GSAP: variants seen among roughly 807,000 people sequenced by gnomAD.
GSAP encodes the protein gamma-secretase-activating protein.
In GSAP, 118 loss-of-function variants were observed where a neutral mutation model predicts 131.7. That is an observed-to-expected ratio of 0.90 (90% CI 0.77 to 1.04). The LOEUF is 1.04. GSAP is among the 50% of genes least tolerant of loss of function. GSAP has a pLI of 0.00. For synonymous variants in GSAP, 381 were observed against 363.4 expected (o/e 1.05, Z -0.55); for missense variants, 1,019 against 1,013.2 (o/e 1.01, Z -0.08).
At chr7:77,326,368 C>G in intron 22 of GSAP, 95 bp from the exon 23 acceptor site, 2 of 808,758 alleles carry the variant, frequency 2.5e-6, no homozygotes, top group Non-Finnish European at 4.0e-6. Flanking sequence ...TTCTCTGAGT[C>G]ATTGAGAAAA....
In GSAP at chr7:77,360,908, A is replaced by G. The variant is rs964943583; in HGVS notation, c.950-7T>C. ...GTGAAGGTCTTGCTGTGTCCTGCAA[A>G]GAGAGAATATGAAGCCAGAGAATGT... is the stretch of plus-strand genomic sequence containing the variant. On this transcript the variant is annotated splice_region_variant and splice_polypyrimidine_tract_variant and intron_variant, in intron 13 of 30. Coordinates refer to ENST00000257626, the MANE Select transcript of GSAP (RefSeq NM_017439.4). 3 of 1,548,830 alleles carry G rather than the reference A, an allele frequency of 1.9e-6. No individual in the cohort carries two copies. The highest frequency in any genetic ancestry group is 2.7e-6 in the Non-Finnish European group (3 of 1,121,332).
intron 12 of GSAP, among the ~76,000 whole-genome samples, chr7:77,365,760 T>G (rs1025690081): frequency 2.6e-5 from 4 of 152,146 alleles, no homozygotes; most frequent in Admixed American, 1.3e-4. Flanking sequence ...GTAATCAGAT[T>G]GCTGGGTCCA....
upstream of GSAP, chr7:77,416,392 T>G: frequency 1.3e-6 from 1 of 757,776 alleles, no homozygotes; most frequent in Non-Finnish European, 2.0e-6. Context: ...CGTGGCCGCC[T>G]CGCCCTCGCG....
intron 19 of GSAP, among the ~76,000 whole-genome samples, chr7:77,343,019 TCTCCCTAACTTATCA>T (rs1156477598): frequency 6.6e-6 from 1 of 152,096 alleles, no homozygotes; most frequent in Non-Finnish European, 1.5e-5. Context: ...CCACACTAGC[TCTCCCTAACTTATCA>T]CTCCCTTTTC....
intron 1 of GSAP, among the ~76,000 whole-genome samples, chr7:77,408,897 G>T (rs140544734): frequency 6.6e-6 from 1 of 152,058 alleles, no homozygotes; most frequent in East Asian, 1.9e-4. Context: ...AGGATAATTG[G>T]TGAGCTGGAC....
chr7:77,361,703 T>C (rs1794542691), intron 13 of GSAP, among the ~76,000 whole-genome samples: 1 of 152,186 alleles, frequency 6.6e-6, no homozygotes, highest in South Asian at 2.1e-4. Flanking sequence ...CAAATACTCA[T>C]TTTAAGGAAT....
intron 19 of GSAP, among the ~76,000 whole-genome samples, chr7:77,343,874 C>G (rs1255694248): frequency 6.6e-6 from 1 of 152,170 alleles, no homozygotes; most frequent in Non-Finnish European, 1.5e-5. Context: ...TTCCTTTCCA[C>G]CGTGGAAATC....
intron 23 of GSAP, among the ~76,000 whole-genome samples, chr7:77,325,465 A>C (rs1319344519): frequency 1.3e-5 from 2 of 152,222 alleles, no homozygotes; most frequent in South Asian, 2.1e-4. Context: ...TTTATTTACA[A>C]ATTCTGCTTT....
intron 1 of GSAP, among the ~76,000 whole-genome samples, chr7:77,414,983 G>T (rs576947910): frequency 6.7e-6 from 1 of 149,644 alleles, no homozygotes; most frequent in East Asian, 2.0e-4. Context: ...TCAGCCTCCC[G>T]AGTAGCTGGG....
In GSAP at chr7:77,414,441, G is replaced by C. The variant is rs541364937; in HGVS notation, c.109+1772C>G. 2.0e-5 allele frequency among the ~76,000 whole-genome samples: 3 copies of C among 152,180 alleles called. No homozygotes were observed. In the South Asian group the frequency reaches 6.2e-4, roughly 32 times the overall value. On this transcript the variant is annotated intron_variant, in intron 1 of 30. Coordinates refer to ENST00000257626, the MANE Select transcript of GSAP (RefSeq NM_017439.4). ...ATTATCAGAGGTGATAATTCTCTTA[G>C]TATAACAGGGCTAATATCTTACCAA...
chr7:77,388,553 G>C (rs1798922623), intron 5 of GSAP, among the ~76,000 whole-genome samples: 1 of 152,144 alleles, frequency 6.6e-6, no homozygotes, highest in African/African-American at 2.4e-5. Flanking sequence ...TTAGGTCAAG[G>C]TTCCCCTTCC....
chr7:77,324,862 G>A (rs1351997994), intron 23 of GSAP, among the ~76,000 whole-genome samples: 2 of 138,266 alleles, frequency 1.4e-5, no homozygotes, highest in East Asian at 2.1e-4. Context: ...TGTCACTCAG[G>A]CTGGAGTGCA....
At chr7:77,403,691 C>G (rs1161154072) in intron 3 of GSAP, among the ~76,000 whole-genome samples, 1 of 152,126 alleles carries the variant, frequency 6.6e-6, no homozygotes, top group East Asian at 1.9e-4. Flanking sequence ...TGGGAGTACA[C>G]AAATCTCAAG....
At chr7:77,379,869 C>G (rs1797533271) in intron 8 of GSAP, 1 of 984,918 alleles carries the variant, frequency 1.0e-6, no homozygotes, top group Non-Finnish European at 1.2e-6. Flanking sequence ...ATTTTCCAGC[C>G]AGGCTTCTTG....
At chr7:77,412,334 A>T (rs1165519218) in intron 1 of GSAP, among the ~76,000 whole-genome samples, 1 of 152,220 alleles carries the variant, frequency 6.6e-6, no homozygotes, top group Non-Finnish European at 1.5e-5. Context: ...TTTTAAAAAA[A>T]ATTGGACTCC....
chr7:77,408,689 CAAAAAAAAAAAA>C lies in GSAP; in HGVS notation c.110-2596_110-2585del, dbSNP rs749202124. Among the ~76,000 whole-genome samples the C allele has an allele frequency of 4.2e-3, 282 of 67,094 alleles. 1 individual carries two copies. The highest frequency in any genetic ancestry group is 0.015 in the African/African-American group (268 of 17,340). The allele number at this position is 67,094 out of a possible 152,430, so 44.0% of individuals were successfully genotyped here. ...GCACTTCAGACCAAGACTCTGCCTC[CAAAAAAAAAAAA>C]AAAAAAAAAAAAGAAAAGATAAATT... On this transcript the variant is annotated intron_variant, in intron 1 of 30. Transcript: ENST00000257626.
At chr7:77,327,127 G>A (rs1788429269) in intron 22 of GSAP, 1 of 152,196 alleles carries the variant, frequency 6.6e-6, no homozygotes, top group South Asian at 2.1e-4. Context: ...TTCACAGAAT[G>A]TTCTGTTTCA....
At chr7:77,328,739 A>C (rs1042833365) in intron 21 of GSAP, 102 bp from the exon 22 acceptor site, 13 of 720,390 alleles carry the variant, frequency 1.8e-5, no homozygotes, top group Non-Finnish European at 2.1e-5. Context: ...CATAAAAACC[A>C]CTGTAGAAAC....
In GSAP at chr7:77,397,328, A is replaced by C; in HGVS notation, c.313+18T>G. On this transcript the variant is annotated intron_variant, in intron 4 of 30. Transcript: ENST00000257626. ...TGTAGTTCAGTTCTTGACATGTAGC[A>C]ATAAGAGCTCAACTTACCAAGCAAA... is the stretch of plus-strand genomic sequence containing the variant. 6.7e-7 allele frequency: 1 copy of C among 1,493,550 alleles called. No individual in the cohort carries two copies. The highest frequency in any genetic ancestry group is 1.2e-5 in the South Asian group (1 of 85,192). 92.5% of individuals were successfully genotyped at this position (1,493,550 alleles called of 1,614,324 possible). A position where few individuals can be genotyped will look rare whatever the true frequency, so the allele number is the denominator to read the frequency against.
Sources: allele counts gnomAD v4.1 joint callset (sites outside exome capture counted in the v4.1 genomes callset), GRCh38; gene constraint gnomAD v4.1.1; transcripts MANE v1.5; gene names NCBI Gene and HGNC (gene_info 2026-07-23, HGNC 2026-07-21).